GRIN2B: variants seen among roughly 807,000 people sequenced by gnomAD.
GRIN2B encodes glutamate ionotropic receptor NMDA type subunit 2B.
In GRIN2B, 5 loss-of-function variants were observed where a neutral mutation model predicts 114.5. The ratio of observed to expected loss-of-function variants is 0.04; its 90% CI spans 0.02 to 0.09. GRIN2B has a LOEUF of 0.09. GRIN2B is among the 10% of genes least tolerant of loss of function. The probability of loss-of-function intolerance (pLI) is 1.00; values close to 1 mark genes in which losing one functional copy is unlikely to be tolerated. For synonymous variants in GRIN2B, 787 were observed against 745.1 expected (o/e 1.06, Z -0.92); for missense variants, 1,108 against 1,943.5 (o/e 0.57, Z 8.08).
chr12:13,685,721 TA>T (rs1195161137), intron 4 of GRIN2B, among the ~76,000 whole-genome samples: 2 of 152,110 alleles, frequency 1.3e-5, no homozygotes, highest in Non-Finnish European at 2.9e-5. Flanking sequence ...ACCATACAGA[TA>T]AAATCCTTTC....
chr12:13,854,238 G>A (rs1865620511), intron 3 of GRIN2B, among the ~76,000 whole-genome samples: 1 of 152,160 alleles, frequency 6.6e-6, no homozygotes, highest in Admixed American at 6.5e-5. Flanking sequence ...CATGCCAGAA[G>A]CAGTGGCTCA....
At chr12:13,597,642 T>C (rs1324608282) in intron 10 of GRIN2B, among the ~76,000 whole-genome samples, 1 of 152,232 alleles carries the variant, frequency 6.6e-6, no homozygotes, top group Non-Finnish European at 1.5e-5. Context: ...ACCAGGCCCT[T>C]GAGCCACTTG....
rs570198178 is a variant in GRIN2B, at chr12:13,753,171, A to G, written c.1010+146T>C. On this transcript the variant is annotated intron_variant, in intron 4 of 13. Coordinates refer to ENST00000609686, the MANE Select transcript of GRIN2B (RefSeq NM_000834.5). The surrounding 1 kb of genome is among the most constrained non-coding windows in gnomAD (Gnocchi z 6.2). ...AGGTTGGATCCAAAACACTCCCCCA[A>G]TCATGACCAATTGCCATGCCCAAGG... 1.7e-4 allele frequency: 129 copies of G among 754,978 alleles called. 1 individual carries two copies. The highest frequency in any genetic ancestry group is 1.2e-3 in the South Asian group (84 of 71,086). 46.8% of individuals were successfully genotyped at this position (754,978 alleles called of 1,614,324 possible).
chr12:13,962,804 C>T (rs1335330311), intron 2 of GRIN2B, among the ~76,000 whole-genome samples: 3 of 152,204 alleles, frequency 2.0e-5, no homozygotes, highest in African/African-American at 7.2e-5. Flanking sequence ...GAGCAGCTGT[C>T]GCTTTCTGAT....
Position 13,555,283 on chromosome 12 carries a change from T to G in GRIN2B, c.*7500A>C, listed in dbSNP as rs1424791702. On this transcript the variant is annotated 3_prime_UTR_variant, in exon 14 of 14. Coordinates refer to ENST00000609686, the MANE Select transcript of GRIN2B (RefSeq NM_000834.5). ...AGTAAAGAAAAAAGGCTATTGACTT[T>G]TGTAACAAGAACTTCATTGGAACGT... 6.6e-6 allele frequency: 1 copy of G among 152,206 alleles called. No individual in the cohort carries two copies. The highest frequency in any genetic ancestry group is 1.5e-5 in the Non-Finnish European group (1 of 68,044). 9.4% of individuals were successfully genotyped at this position (152,206 alleles called of 1,614,324 possible).
chr12:13,917,222 G>A (rs2216344), intron 2 of GRIN2B, among the ~76,000 whole-genome samples: 69,321 of 151,836 alleles, frequency 0.46, 16,046 homozygotes, highest in South Asian at 0.53. Flanking sequence ...GCTCCAAATG[G>A]GGTCCCACTA....
Position 13,557,332 on chromosome 12 carries a change from T to A in GRIN2B, c.*5451A>T, listed in dbSNP as rs531984602. ...CCAGGTTAAGTAGCACCTGAGGTCA[T>A]AAGTGGCTCTTTTACCAGATAACAG... On this transcript the variant is annotated 3_prime_UTR_variant, in exon 14 of 14. Transcript: ENST00000609686. 3 of 152,296 alleles carry A rather than the reference T, an allele frequency of 2.0e-5. No individual in the cohort carries two copies. The South Asian group carries it at 6.2e-4, about 32-fold the overall frequency. The allele number at this position is 152,296 out of a possible 1,614,324, so 9.4% of individuals were successfully genotyped here.
chr12:13,623,870 G>A (rs1453868869), intron 5 of GRIN2B, among the ~76,000 whole-genome samples: 1 of 152,168 alleles, frequency 6.6e-6, no homozygotes, highest in Non-Finnish European at 1.5e-5. Context: ...TTCCCAAAGT[G>A]TTCTTCTTTG....
At chr12:13,601,816 G>A (rs1021828233) in intron 10 of GRIN2B, among the ~76,000 whole-genome samples, 3 of 152,168 alleles carry the variant, frequency 2.0e-5, no homozygotes, top group African/African-American at 7.2e-5. Flanking sequence ...AGGACTTGGA[G>A]GGTGACCCAC....
At chr12:13,775,603 CAT>C (rs1168434241) in intron 3 of GRIN2B, among the ~76,000 whole-genome samples, 1 of 152,176 alleles carries the variant, frequency 6.6e-6, no homozygotes, top group African/African-American at 2.4e-5. Flanking sequence ...ATCAGCCAAA[CAT>C]ATTAACTTTT....
At chr12:13,696,467 C>T (rs980466452) in intron 4 of GRIN2B, among the ~76,000 whole-genome samples, 18 of 152,160 alleles carry the variant, frequency 1.2e-4, no homozygotes, top group African/African-American at 3.9e-4. Context: ...ACCCTGATGT[C>T]CTCTCAAATC....
At position 13,752,462 on chromosome 12, in the gene GRIN2B, T is replaced by C. The variant is rs1863498470; in HGVS notation, c.1010+855A>G. On this transcript the variant is annotated intron_variant, in intron 4 of 13. Transcript: ENST00000609686. ...CAATGATTATCTCCAATTAGTTGGA[T>C]TTAAGATCACTTTTATTTCTAAAAC... 6.6e-5 allele frequency among the ~76,000 whole-genome samples: 10 copies of C among 152,364 alleles called. No individual in the cohort carries two copies. In the South Asian group the frequency reaches 2.1e-3, roughly 32 times the overall value.
chr12:13,803,026 G>A (rs1454353823), intron 3 of GRIN2B, among the ~76,000 whole-genome samples: 2 of 152,094 alleles, frequency 1.3e-5, no homozygotes, highest in African/African-American at 4.8e-5. Flanking sequence ...CTCAATTTGA[G>A]TATGACATGA....
chr12:13,669,317 G>A (rs1950003282), intron 5 of GRIN2B, among the ~76,000 whole-genome samples: 1 of 152,004 alleles, frequency 6.6e-6, no homozygotes, highest in African/African-American at 2.4e-5. Flanking sequence ...CATTTAAAGA[G>A]AATAAGTCAT....
At chr12:13,739,412 G>GAAA (rs1565519594) in intron 4 of GRIN2B, among the ~76,000 whole-genome samples, 16 of 133,790 alleles carry the variant, frequency 1.2e-4, no homozygotes, top group Non-Finnish European at 1.5e-4. Flanking sequence ...AGAAGAAAAG[G>GAAA]AAAAAAAAAG....
chr12:13,804,021 C>A (rs1397502043), intron 3 of GRIN2B, among the ~76,000 whole-genome samples: 3 of 152,112 alleles, frequency 2.0e-5, no homozygotes, highest in Non-Finnish European at 4.4e-5. Context: ...CACCATTTAC[C>A]CATTTTCGTC....
chr12:13,745,417 C>T (rs1299037598), intron 4 of GRIN2B, among the ~76,000 whole-genome samples: 1 of 152,180 alleles, frequency 6.6e-6, no homozygotes, highest in Admixed American at 6.5e-5. Flanking sequence ...GGAGCAAGAG[C>T]CTTGGGGACG....
chr12:13,754,572 T>C (rs57177313), intron 3 of GRIN2B, among the ~76,000 whole-genome samples: 1,792 of 98,258 alleles, frequency 0.018, 37 homozygotes, highest in African/African-American at 0.088. Context: ...GATCACTATG[T>C]GTTCTATAAA....
At position 13,563,537 on chromosome 12, in the gene GRIN2B, G is replaced by A. The variant is rs1255241282; in HGVS notation, c.3701C>T (p.Ser1234Leu). 1.2e-6 allele frequency: 2 copies of A among 1,614,106 alleles called. No homozygotes were observed. The highest frequency in any genetic ancestry group is 2.7e-5 in the African/African-American group (2 of 75,022). Residue 1234 changes from serine (S) to leucine (L), a missense_variant, in exon 14 of 14, where the codon TCG becomes TTG. Around this residue, in one of 19 missense-constraint regions of GRIN2B, gnomAD observed 478 missense variants for 506.0 expected, o/e 0.94. Coordinates refer to ENST00000609686, the MANE Select transcript of GRIN2B (RefSeq NM_000834.5). Reference protein sequence around the residue: ...NYSTTVTGQNSGRQACIRCEA... With the variant: ...NYSTTVTGQNLGRQACIRCEA... ...ACACCGGATGCACGCCTGCCTGCCC[G>A]AGTTCTGACCCGTCACCGTCGTGGA... is the stretch of plus-strand genomic sequence containing the variant.
Sources: allele counts gnomAD v4.1 joint callset (sites outside exome capture counted in the v4.1 genomes callset), GRCh38; gene constraint gnomAD v4.1.1; regional missense constraint gnomAD v4.1.1; non-coding constraint Gnocchi (gnomAD v3.1); transcripts MANE v1.5; gene names NCBI Gene and HGNC (gene_info 2026-07-23, HGNC 2026-07-21).